Variants in SIPA1 observed in about 807,000 individuals in gnomAD.
SIPA1 encodes signal-induced proliferation-associated protein 1.
In SIPA1, 51 loss-of-function variants were observed where a neutral mutation model predicts 88.1. The ratio of observed to expected loss-of-function variants is 0.58; its 90% CI spans 0.46 to 0.73. The LOEUF (loss-of-function observed/expected upper bound fraction) is 0.73, where lower values mean the gene tolerates loss of function less well. Among genes scored for constraint, SIPA1 ranks in the 30% least tolerant of loss-of-function variants. The pLI is 0.00. For missense variants in SIPA1, 1,348 were observed against 1,467.6 expected (o/e 0.92, Z 1.33); for synonymous variants, 681 against 664.8 (o/e 1.02, Z -0.37).
chr11:65,650,231 A>C, intron 14 of SIPA1, 39 bp downstream of exon 14: 1 of 1,605,636 alleles, frequency 6.2e-7, no homozygotes, highest in Non-Finnish European at 8.5e-7. Context: ...TTACCTGCCC[A>C]CATGACCCCC....
Position 65,645,948 on chromosome 11 carries a change from C to T in SIPA1, c.1254C>T (p.Asn418=). The T allele has an allele frequency of 6.2e-7, 1 of 1,611,250 alleles. No individual in the cohort carries two copies. The highest frequency in any genetic ancestry group is 8.5e-7 in the Non-Finnish European group (1 of 1,178,194). ...VSTMLPYTPN[N]QQQLLRKRHI... is the part of the protein sequence containing the mutation. The stretch of plus-strand genomic sequence containing the variant: ...CGATGCTGCCTTACACCCCTAATAA[C>T]CAGCAGCAGGTGTGAGGGGGACCAA... Residue 418 remains asparagine (N), a synonymous_variant, in exon 6 of 16, where the codon AAC becomes AAT. Transcript: ENST00000534313.
At chr11:65,639,583 G>A (rs1045871152) in intron 1 of SIPA1, among the ~76,000 whole-genome samples, 1 of 141,672 alleles carries the variant, frequency 7.1e-6, no homozygotes, top group African/African-American at 2.5e-5. Context: ...GCCCAGCCCC[G>A]CATGATGTTG....
intron 13 of SIPA1, 26 bp from the exon 14 acceptor site, chr11:65,650,112 C>T (rs368854998): frequency 2.5e-6 from 4 of 1,613,782 alleles, no homozygotes; most frequent in Non-Finnish European, 3.4e-6. Context: ...TTCTGACCTG[C>T]CCACCTGATC....
intron 5 of SIPA1, among the ~76,000 whole-genome samples, chr11:65,645,409 G>A (rs1321851375): frequency 6.6e-6 from 1 of 152,090 alleles, no homozygotes; most frequent in Non-Finnish European, 1.5e-5. Context: ...GCTCAGCCTC[G>A]TGGAAGAGAG....
In SIPA1 at chr11:65,647,047, G is replaced by A. The variant is rs369268060; in HGVS notation, c.2013G>A (p.Glu671=). 3 of 1,543,976 alleles carry A rather than the reference G, an allele frequency of 1.9e-6. No homozygotes were observed. Among genetic ancestry groups the A allele is most frequent in the East Asian group, 2.4e-5 (1 of 42,046 alleles). ...GGTCCCCCGGCCAAGCCGTGGGCGAGGTGGTGGCGCGCCTGCAGGTGAGCT... is the reference window on the plus strand; with the variant it reads ...GGTCCCCCGGCCAAGCCGTGGGCGAAGTGGTGGCGCGCCTGCAGGTGAGCT... ...FDGSPGQAVG[E]VVARLQLVSR... The change falls in exon 8 of 16, where the codon GAG becomes GAA. Residue 671 remains glutamate (E), a synonymous_variant. Coordinates refer to ENST00000534313, the MANE Select transcript of SIPA1 (RefSeq NM_006747.4).
At position 65,649,177 on chromosome 11, in the gene SIPA1, T is replaced by C. The variant is rs111934789; in HGVS notation, c.2307-85T>C. 2,071 of 992,304 alleles carry C rather than the reference T, an allele frequency of 2.1e-3. 29 individuals are homozygous for C. In the African/African-American group the frequency reaches 0.031, roughly 15 times the overall value. The allele number at this position is 992,304 out of a possible 1,614,324, so 61.5% of individuals were successfully genotyped here. A position where few individuals can be genotyped will look rare whatever the true frequency, so the allele number is the denominator to read the frequency against. On this transcript the variant is annotated intron_variant, in intron 9 of 15. Transcript: ENST00000534313. ...CGGGGAGCTCTCCTGCTCCTGGAAG[T>C]GAGCCTGGCGGGCTGGGGGTGGGGC...
intron 4 of SIPA1, among the ~76,000 whole-genome samples, chr11:65,644,290 G>A (rs1856065693): frequency 6.6e-6 from 1 of 151,478 alleles, no homozygotes; most frequent in African/African-American, 2.4e-5. Context: ...AGAGGGCGGG[G>A]TTCCTGGGGC....
In SIPA1 at chr11:65,650,822, C is replaced by T; in HGVS notation, c.*107C>T. 1.6e-6 allele frequency: 2 copies of T among 1,257,188 alleles called. No homozygotes were observed. The highest frequency in any genetic ancestry group is 2.1e-6 in the Non-Finnish European group (2 of 938,564). 77.9% of individuals were successfully genotyped at this position (1,257,188 alleles called of 1,614,324 possible). A position where few individuals can be genotyped will look rare whatever the true frequency, so the allele number is the denominator to read the frequency against. On this transcript the variant is annotated 3_prime_UTR_variant, in exon 16 of 16. Transcript: ENST00000534313. ...GTCTTAGCACTGCCCCCCTCCCTAG[C>T]CCCTTATTTGGTGGCGGAAGTGGCC...
chr11:65,643,857 C>A (rs1475281405), intron 4 of SIPA1, among the ~76,000 whole-genome samples: 2 of 152,094 alleles, frequency 1.3e-5, no homozygotes, highest in African/African-American at 4.8e-5. Flanking sequence ...CCCGTGGACA[C>A]TGGGGAGCCA....
At chr11:65,648,933 G>A (rs1461267692) in intron 9 of SIPA1, among the ~76,000 whole-genome samples, 1 of 152,184 alleles carries the variant, frequency 6.6e-6, no homozygotes, top group African/African-American at 2.4e-5. Context: ...GCTGGATTTG[G>A]CTACAGACAG....
chr11:65,640,768 G>A (rs2135506200), intron 1 of SIPA1, 63 bp from the exon 2 acceptor site: 1 of 628,450 alleles, frequency 1.6e-6, no homozygotes, highest in Non-Finnish European at 2.6e-6. Context: ...TGGAGGACCA[G>A]GCTGGGGGCC....
intron 1 of SIPA1, among the ~76,000 whole-genome samples, chr11:65,638,929 C>A (rs902614378): frequency 2.0e-5 from 3 of 152,216 alleles, no homozygotes; most frequent in African/African-American, 7.2e-5. Context: ...AGACCCCCTC[C>A]CTCATGCCCT....
At position 65,647,390 on chromosome 11, in the gene SIPA1, A is replaced by G. The variant is rs1314412015; in HGVS notation, c.2038A>G (p.Ser680Gly). ...GEVVARLQLVSRGCETRELAL... is the reference protein window; with the variant it reads ...GEVVARLQLVGRGCETRELAL... Reference sequence around the variant, plus strand: ...CGTCCCGCCCCGTCCGCAGCTGGTGAGCCGTGGCTGCGAGACCCGCGAGCT... The same window carrying G: ...CGTCCCGCCCCGTCCGCAGCTGGTGGGCCGTGGCTGCGAGACCCGCGAGCT... Residue 680 changes from serine (S) to glycine (G), a missense_variant, in exon 9 of 16, where the codon AGC becomes GGC. Physicochemically the swap from Ser to Gly is moderately conservative, Grantham distance 56 (BLOSUM62 0). Coordinates refer to ENST00000534313, the MANE Select transcript of SIPA1 (RefSeq NM_006747.4). 1 of 1,445,714 alleles carries G rather than the reference A, an allele frequency of 6.9e-7. No homozygotes were observed. Among genetic ancestry groups the G allele is most frequent in the African/African-American group, 1.5e-5 (1 of 66,512 alleles). 89.6% of individuals were successfully genotyped at this position (1,445,714 alleles called of 1,614,324 possible).
At position 65,650,709 on chromosome 11, in the gene SIPA1, G is replaced by GGCCTGA. The variant is rs769153602; in HGVS notation, c.3127_*3dup. 6.4e-7 allele frequency: 1 copy of GGCCTGA among 1,573,988 alleles called. No individual in the cohort carries two copies. The highest frequency in any genetic ancestry group is 8.6e-7 in the Non-Finnish European group (1 of 1,159,844). On this transcript the variant is annotated stop_gained and inframe_insertion, in exon 16 of 16. Coordinates refer to ENST00000534313, the MANE Select transcript of SIPA1 (RefSeq NM_006747.4). LOFTEE classifies it high-confidence loss of function. ...AGCTGGGCTCACCCACCGCCGACCTGGCCTGAGCCGTCTGGAACCACCTGG... is the reference window on the plus strand; with the variant it reads ...AGCTGGGCTCACCCACCGCCGACCTGGCCTGAGCCTGAGCCGTCTGGAACCACCTGG...
chr11:65,638,745 T>G (rs984319841), intron 1 of SIPA1, among the ~76,000 whole-genome samples: 1 of 152,182 alleles, frequency 6.6e-6, no homozygotes, highest in Non-Finnish European at 1.5e-5. Context: ...CTAGCCTCAA[T>G]GGACCCTGTG....
rs780076316 is a variant in SIPA1 at position 65,649,351 on chromosome 11, C to A, written c.2396C>A (p.Thr799Asn). The change falls in exon 10 of 16, where the codon ACC becomes AAC. Residue 799 changes from threonine to asparagine, a missense_variant. Thr to Asn is a moderately conservative substitution (Grantham distance 65). Coordinates refer to ENST00000534313, the MANE Select transcript of SIPA1 (RefSeq NM_006747.4). ...DPVQDEVQGV[T>N]LLPTTKQLLH... is the part of the protein sequence containing the mutation. ...GTGCAGGATGAGGTCCAGGGGGTGA[C>A]CCTGCTGCCCACCACAAAGCAGCTG... 6.4e-7 allele frequency: 1 copy of A among 1,562,906 alleles called. No individual in the cohort carries two copies. The highest frequency in any genetic ancestry group is 8.7e-7 in the Non-Finnish European group (1 of 1,153,554).
At chr11:65,640,726 T>A in intron 1 of SIPA1, 105 bp from the exon 2 acceptor site, 1 of 530,280 alleles carries the variant, frequency 1.9e-6, no homozygotes, top group Non-Finnish European at 3.3e-6. Flanking sequence ...GCTTTGATGG[T>A]CTCGGAGGGG....
chr11:65,645,622 C>T (rs1291870915), intron 5 of SIPA1, among the ~76,000 whole-genome samples: 4 of 152,166 alleles, frequency 2.6e-5, no homozygotes, highest in Non-Finnish European at 5.9e-5. Context: ...CTCTCCCATC[C>T]TGACCCCCCT....
At chr11:65,640,741 G>T in intron 1 of SIPA1, 90 bp from the exon 2 acceptor site, 1 of 540,490 alleles carries the variant, frequency 1.9e-6, no homozygotes, top group South Asian at 2.8e-5. Flanking sequence ...GAGGGGGCCG[G>T]AAGCCAACAC....
Sources: gnomAD v4.1 joint callset for allele counts (sites outside exome capture counted in the v4.1 genomes callset) on GRCh38, gnomAD v4.1.1 for gene constraint, MANE v1.5 for transcripts, NCBI Gene and HGNC (gene_info 2026-07-23, HGNC 2026-07-21) for gene names.